The following ACBD6 variants were observed in gnomAD, a reference collection of about 807,000 sequenced individuals.
ACBD6 encodes acyl-CoA-binding domain-containing protein 6.
A neutral mutation model predicts 37.2 loss-of-function variants in ACBD6; 28 were observed. The observed-to-expected ratio is 0.75, with a 90% CI of 0.56 to 1.03. The LOEUF (loss-of-function observed/expected upper bound fraction) is 1.03, where lower values mean the gene tolerates loss of function less well. ACBD6 is among the 50% of genes least tolerant of loss of function. ACBD6 has a pLI of 0.00. For missense variants in ACBD6, 340 were observed against 337.4 expected (o/e 1.01, Z -0.06); for synonymous variants, 113 against 126.8 (o/e 0.89, Z 0.73).
intron 3 of ACBD6, among the ~76,000 whole-genome samples, chr1:180,443,602 A>G (rs2102016583): frequency 6.6e-6 from 1 of 151,904 alleles, no homozygotes; most frequent in African/African-American, 2.4e-5. Flanking sequence ...TGCAAGGCAC[A>G]GCTTGTTTTT....
At chr1:180,415,053 G>A (rs1648021988) in intron 4 of ACBD6, among the ~76,000 whole-genome samples, 1 of 151,404 alleles carries the variant, frequency 6.6e-6, no homozygotes, top group South Asian at 2.1e-4. Context: ...CTCCAGCCTG[G>A]GCAACAGAGC....
At chr1:180,327,731 T>C (rs534348405) in intron 6 of ACBD6, among the ~76,000 whole-genome samples, 2 of 152,348 alleles carry the variant, frequency 1.3e-5, no homozygotes, top group African/African-American at 2.4e-5. Context: ...TGGAGTGCAA[T>C]GACAGACATG....
intron 5 of ACBD6, among the ~76,000 whole-genome samples, chr1:180,400,173 C>T (rs1417049301): frequency 1.3e-5 from 2 of 152,082 alleles, no homozygotes; most frequent in African/African-American, 4.8e-5. Flanking sequence ...TTAAATTTCC[C>T]ATATTTTAAA....
chr1:180,318,829 G>C (rs1446277488), intron 6 of ACBD6, among the ~76,000 whole-genome samples: 1 of 152,158 alleles, frequency 6.6e-6, no homozygotes, highest in Non-Finnish European at 1.5e-5. Context: ...GAGCAGCCCA[G>C]TGTTGGTTTA....
intron 5 of ACBD6, among the ~76,000 whole-genome samples, chr1:180,409,966 T>C (rs1257872371): frequency 6.6e-6 from 1 of 152,070 alleles, no homozygotes; most frequent in Non-Finnish European, 1.5e-5. Context: ...CAGAGAAAAA[T>C]TCTTGAGGAA....
intron 7 of ACBD6, among the ~76,000 whole-genome samples, chr1:180,297,857 C>T (rs113942506): frequency 0.043 from 6,563 of 152,246 alleles, 454 homozygotes; most frequent in African/African-American, 0.14. Context: ...TCTCCTGCCT[C>T]AGCCTTCTGA....
At chr1:180,493,273 AAAAAAC>A (rs1651592676) in intron 2 of ACBD6, among the ~76,000 whole-genome samples, 6 of 136,030 alleles carry the variant, frequency 4.4e-5, no homozygotes, top group South Asian at 2.2e-4. Flanking sequence ...AAAAAAAAAA[AAAAAAC>A]AACAACAGCA....
Position 180,316,689 on chromosome 1 carries a change from A to G in ACBD6, c.664-1967T>C, listed in dbSNP as rs116818984. ...ACATTTACCAGTGAATACTAAATCTATATCTCTACCTCAATTTCTAATTAA... is the reference window on the plus strand; with the variant it reads ...ACATTTACCAGTGAATACTAAATCTGTATCTCTACCTCAATTTCTAATTAA... On this transcript the variant is annotated intron_variant, in intron 6 of 7. Coordinates refer to ENST00000367595, the MANE Select transcript of ACBD6 (RefSeq NM_032360.4). Among the ~76,000 whole-genome samples the G allele has an allele frequency of 6.6e-3, 1,002 of 152,290 alleles. 7 individuals carry two copies. Among genetic ancestry groups the G allele is most frequent in the Non-Finnish European group, 8.9e-3 (605 of 68,012 alleles).
At chr1:180,417,888 A>G (rs1203278870) in intron 4 of ACBD6, among the ~76,000 whole-genome samples, 1 of 152,132 alleles carries the variant, frequency 6.6e-6, no homozygotes, top group East Asian at 1.9e-4. Context: ...TAAGTTCCTG[A>G]TTTACTTGTT....
At chr1:180,285,798 G>C (rs1257868779), downstream of ACBD6, among the ~76,000 whole-genome samples, 1 of 151,916 alleles carries the variant, frequency 6.6e-6, no homozygotes, top group Non-Finnish European at 1.5e-5. Flanking sequence ...CTTTTAGCTG[G>C]AAAATGCTGA....
chr1:180,438,370 A>G (rs138979245), intron 3 of ACBD6: 7 of 152,946 alleles, frequency 4.6e-5, no homozygotes, highest in African/African-American at 1.7e-4. Flanking sequence ...TAAATAGAAT[A>G]GGCAAAGGAC....
intron 6 of ACBD6, among the ~76,000 whole-genome samples, chr1:180,361,108 G>A (rs371656930): frequency 3.3e-5 from 5 of 152,090 alleles, no homozygotes; most frequent in African/African-American, 1.2e-4. Flanking sequence ...TATCCCATTA[G>A]AGGAACACAA....
At chr1:180,487,033 G>A (rs994296149) in intron 3 of ACBD6, among the ~76,000 whole-genome samples, 1 of 152,098 alleles carries the variant, frequency 6.6e-6, no homozygotes, top group Non-Finnish European at 1.5e-5. Context: ...AAAAAAAATG[G>A]CTGAGAAACT....
chr1:180,391,164 T>C (rs948396634), intron 6 of ACBD6, among the ~76,000 whole-genome samples: 1 of 152,128 alleles, frequency 6.6e-6, no homozygotes, highest in Non-Finnish European at 1.5e-5. Context: ...CTTCACACTC[T>C]ACCCAATTAA....
At chr1:180,421,021 T>G (rs1167775116) in intron 4 of ACBD6, among the ~76,000 whole-genome samples, 2 of 152,154 alleles carry the variant, frequency 1.3e-5, no homozygotes, top group Admixed American at 6.5e-5. Flanking sequence ...CAATGATTTT[T>G]TTTTCAAGTT....
At chr1:180,450,127 TA>T (rs922836253) in intron 3 of ACBD6, among the ~76,000 whole-genome samples, 3 of 152,002 alleles carry the variant, frequency 2.0e-5, no homozygotes, top group African/African-American at 4.8e-5. Flanking sequence ...ACAGAATGTA[TA>T]AAAAAAGACA....
chr1:180,415,509 A>C (rs1173104355), intron 4 of ACBD6, among the ~76,000 whole-genome samples: 1 of 152,202 alleles, frequency 6.6e-6, no homozygotes, highest in Non-Finnish European at 1.5e-5. Flanking sequence ...CCAGTAACAG[A>C]AAACCCACTA....
intron 9 of ACBD6, among the ~76,000 whole-genome samples, chr1:180,280,442 C>T (rs575221536): frequency 1.3e-5 from 2 of 152,284 alleles, no homozygotes; most frequent in Admixed American, 1.3e-4. Context: ...TTCTCTAATG[C>T]TGCCACTGGG....
chr1:180,500,653 C>T (rs1651929769), intron 1 of ACBD6, among the ~76,000 whole-genome samples: 1 of 149,328 alleles, frequency 6.7e-6, no homozygotes, highest in African/African-American at 2.5e-5. Flanking sequence ...AAGATCCAGC[C>T]ACTGCACTCC....
Sources: gnomAD v4.1 joint callset for allele counts (sites outside exome capture counted in the v4.1 genomes callset) on GRCh38, gnomAD v4.1.1 for gene constraint, MANE v1.5 for transcripts, NCBI Gene and HGNC (gene_info 2026-07-23, HGNC 2026-07-21) for gene names.